The following TARS3 variants were observed in gnomAD, a reference collection of about 807,000 sequenced individuals.
TARS3 encodes threonyl-tRNA synthetase 3, also known as threonine--tRNA ligase 2, cytoplasmic.
Under a neutral mutation model 103.5 loss-of-function variants are expected in TARS3, and 94 were observed. The ratio of observed to expected loss-of-function variants is 0.91; its 90% CI spans 0.77 to 1.08. The LOEUF is 1.08. Ranked by LOEUF, TARS3 falls within the 50% of genes least tolerant of loss-of-function variation. TARS3 has a pLI of 0.00. For missense variants in TARS3, 952 were observed against 995.2 expected, an observed-to-expected ratio of 0.96 and a Z score of 0.58; for synonymous variants, 416 against 355.4, an observed-to-expected ratio of 1.17 and a Z score of -1.92.
At chr15:101,701,883 C>T (rs1352975055) in intron 9 of TARS3, among the ~76,000 whole-genome samples, 1 of 152,182 alleles carries the variant, frequency 6.6e-6, no homozygotes, top group Non-Finnish European at 1.5e-5. Context: ...CCAAGTGATT[C>T]TCCTGCCTCA....
intron 11 of TARS3, among the ~76,000 whole-genome samples, chr15:101,685,484 G>C (rs940374185): frequency 2.0e-5 from 3 of 152,096 alleles, no homozygotes; most frequent in Non-Finnish European, 2.9e-5. Context: ...AAGAAAAATG[G>C]TATCTTGGAA....
chr15:101,691,289 TA>T (rs1326838554), intron 10 of TARS3, among the ~76,000 whole-genome samples: 10 of 137,964 alleles, frequency 7.2e-5, no homozygotes, highest in African/African-American at 1.5e-4. Context: ...TATATATATA[TA>T]TATTTTTGAA....
chr15:101,674,378 C>G (rs1897936753), intron 13 of TARS3, among the ~76,000 whole-genome samples: 1 of 152,118 alleles, frequency 6.6e-6, no homozygotes, highest in Non-Finnish European at 1.5e-5. Context: ...GACTCCTATG[C>G]TGAAGTTGCT....
intron 6 of TARS3, among the ~76,000 whole-genome samples, chr15:101,708,074 T>A (rs1036874558): frequency 6.6e-6 from 1 of 151,814 alleles, no homozygotes; most frequent in Non-Finnish European, 1.5e-5. Context: ...CAAAACTTTG[T>A]CTCTACTAAA....
chr15:101,655,718 C>T, intron 18 of TARS3: 1 of 840,252 alleles, frequency 1.2e-6, no homozygotes, highest in Non-Finnish European at 1.6e-6. Flanking sequence ...GAGCGGGGAG[C>T]TCTTACAGGC....
At chr15:101,657,720 C>A in intron 17 of TARS3, 65 bp downstream of exon 17, 1 of 1,129,672 alleles carries the variant, frequency 8.9e-7, no homozygotes, top group South Asian at 1.5e-5. Flanking sequence ...AAGGACACTC[C>A]AAATCGATGA....
chr15:101,695,761 TG>T (rs1898942798), intron 10 of TARS3: 1 of 152,040 alleles, frequency 6.6e-6, no homozygotes, highest in African/African-American at 2.4e-5. Flanking sequence ...AAATATTAGC[TG>T]GGTGTGGTGG....
chr15:101,701,185 C>A lies in TARS3; in HGVS notation c.1222-1G>T. On this transcript the variant is annotated splice_acceptor_variant, in intron 9 of 18. Transcript: ENST00000335968. LOFTEE classifies it high-confidence loss of function. ...CGTGGAAAAAGAAAAGTTCTTGTTC[C>A]TAGATTGAAACAAAAATTGCATTTC... 1 of 1,585,402 alleles carries A rather than the reference C, an allele frequency of 6.3e-7. No homozygotes were observed. Among genetic ancestry groups the A allele is most frequent in the Non-Finnish European group, 8.5e-7 (1 of 1,170,816 alleles).
intron 15 of TARS3, among the ~76,000 whole-genome samples, chr15:101,662,784 C>T (rs897045097): frequency 3.9e-5 from 6 of 152,104 alleles, no homozygotes; most frequent in African/African-American, 1.4e-4. Flanking sequence ...CAAACTGATC[C>T]TTTCACAGAG....
intron 15 of TARS3, among the ~76,000 whole-genome samples, chr15:101,668,395 C>T (rs1897664245): frequency 6.6e-6 from 1 of 152,110 alleles, no homozygotes; most frequent in South Asian, 2.1e-4. Flanking sequence ...CAACAGACGA[C>T]ATTTATCGGT....
chr15:101,657,869 A>C lies in TARS3; in HGVS notation c.2073-12T>G. ...ATAGCCAGAAAGGCCTGAAAAATAT[A>C]TATAAAATATGTATTTTCAAAGTGT... On this transcript the variant is annotated splice_polypyrimidine_tract_variant and intron_variant, in intron 16 of 18. Coordinates refer to ENST00000335968, the MANE Select transcript of TARS3 (RefSeq NM_152334.3). 6.6e-7 allele frequency: 1 copy of C among 1,519,650 alleles called. No individual in the cohort carries two copies. The highest frequency in any genetic ancestry group is 9.0e-7 in the Non-Finnish European group (1 of 1,113,500). 94.1% of individuals were successfully genotyped at this position (1,519,650 alleles called of 1,614,324 possible).
chr15:101,664,929 G>A (rs1567324107), intron 15 of TARS3, among the ~76,000 whole-genome samples: 1 of 108,474 alleles, frequency 9.2e-6, no homozygotes, highest in Non-Finnish European at 2.4e-5. Flanking sequence ...ACGAACAACA[G>A]AGATTGTAGA....
At chr15:101,682,677 T>C (rs1444023841) in intron 12 of TARS3, among the ~76,000 whole-genome samples, 1 of 152,172 alleles carries the variant, frequency 6.6e-6, no homozygotes, top group Non-Finnish European at 1.5e-5. Flanking sequence ...GATTTCCTCC[T>C]CTTCAATTTT....
rs759583538 is a variant in TARS3 at position 101,684,067 on chromosome 15, T to C, written c.1650+8A>G. The C allele has an allele frequency of 1.7e-5, 28 of 1,611,418 alleles. No individual in the cohort carries two copies. In the Admixed American group the frequency reaches 2.8e-4, roughly 16 times the overall value. On this transcript the variant is annotated splice_region_variant and intron_variant, in intron 12 of 18. Transcript: ENST00000335968. ...GACCACACTGCTTCACTCTGTGTTA[T>C]TGTTTACCTGCTCCACTGTGCAAAA...
chr15:101,722,378 TCCTCAACC>T (rs1900518472), intron 2 of TARS3, among the ~76,000 whole-genome samples: 1 of 151,984 alleles, frequency 6.6e-6, no homozygotes, highest in South Asian at 2.1e-4. Flanking sequence ...CTGCCTGAAT[TCCTCAACC>T]AGACTAACTT....
chr15:101,677,046 G>A (rs941297649), intron 12 of TARS3, among the ~76,000 whole-genome samples: 19 of 152,282 alleles, frequency 1.2e-4, no homozygotes, highest in African/African-American at 4.3e-4. Context: ...ACTTATAAGT[G>A]AGAACATATG....
chr15:101,708,758 T>A (rs780729867), intron 6 of TARS3, 35 bp downstream of exon 6: 2 of 1,354,256 alleles, frequency 1.5e-6, no homozygotes, highest in East Asian at 2.3e-5. Flanking sequence ...TTTTTAATAT[T>A]CCTAGTAAGA....
rs1370653797 is a variant in TARS3 at position 101,700,814 on chromosome 15, G to C, written c.1320+272C>G. Among the ~76,000 whole-genome samples the C allele has an allele frequency of 1.3e-5, 2 of 151,972 alleles. 1 individual carries two copies. Among genetic ancestry groups the C allele is most frequent in the East Asian group, 3.9e-4 (2 of 5,174 alleles). On this transcript the variant is annotated intron_variant, in intron 10 of 18. Transcript: ENST00000335968. ...GCACCACCACACTCGGCTAATTTTT[G>C]TATTTTTAGTAGAGACAGGGTTTCA...
At chr15:101,661,948 G>T in intron 15 of TARS3, 132 bp from the exon 16 acceptor site, 1 of 506,542 alleles carries the variant, frequency 2.0e-6, no homozygotes, top group Non-Finnish European at 3.3e-6. Flanking sequence ...TTTGTTCTGT[G>T]ACTGTCTTGT....
Sources: gnomAD v4.1 joint callset for allele counts (sites outside exome capture counted in the v4.1 genomes callset) on GRCh38, gnomAD v4.1.1 for gene constraint, MANE v1.5 for transcripts, NCBI Gene and HGNC (gene_info 2026-07-23, HGNC 2026-07-21) for gene names.